Variants in TFCP2L1 observed in about 807,000 individuals in gnomAD.
TFCP2L1 encodes the protein transcription factor CP2-like protein 1.
TFCP2L1 carries 12 observed loss-of-function variants against 72.2 expected under a neutral mutation model. That is an observed-to-expected ratio of 0.17 (90% CI 0.11 to 0.27). The LOEUF is 0.27. Among genes scored for constraint, TFCP2L1 ranks in the 10% least tolerant of loss-of-function variants. The pLI is 1.00. For synonymous variants in TFCP2L1, 260 were observed against 251.0 expected (o/e 1.04, Z -0.34); for missense variants, 488 against 624.6 (o/e 0.78, Z 2.33).
At chr2:121,244,609 C>T (rs990844110) in intron 6 of TFCP2L1, among the ~76,000 whole-genome samples, 2 of 152,170 alleles carry the variant, frequency 1.3e-5, no homozygotes, top group Admixed American at 1.3e-4. Flanking sequence ...GTAGACAGAG[C>T]CCCCACTCCT....
chr2:121,252,075 G>A (rs908111242), intron 2 of TFCP2L1, among the ~76,000 whole-genome samples: 10 of 152,012 alleles, frequency 6.6e-5, no homozygotes, highest in South Asian at 4.1e-4. Flanking sequence ...TTTGAGACAG[G>A]GTCTTGCTCT....
chr2:121,249,085 G>A lies in TFCP2L1; in HGVS notation c.294C>T (p.Ser98=). 2 of 1,569,236 alleles carry A rather than the reference G, an allele frequency of 1.3e-6. No individual in the cohort carries two copies. Among genetic ancestry groups the A allele is most frequent in the Non-Finnish European group, 1.7e-6 (2 of 1,156,084 alleles). Residue 98 remains serine, a splice_region_variant and synonymous_variant, in exon 4 of 15, where the codon AGC becomes AGT. Transcript: ENST00000263707. The part of the protein sequence containing the change: ...FQDLNTKYVK[S]IIRVVFHDRR... Reference sequence around the variant, plus strand: ...GGTCATGGAAGACCACACGGATGATGCTCTGGGGAGGGAGGCCAGCAGGGA... The same window carrying A: ...GGTCATGGAAGACCACACGGATGATACTCTGGGGAGGGAGGCCAGCAGGGA...
At position 121,248,218 on chromosome 2, in the gene TFCP2L1, C is replaced by T; in HGVS notation, c.450G>A (p.Leu150=). 1 of 1,614,132 alleles carries T rather than the reference C, an allele frequency of 6.2e-7. No homozygotes were observed. Among genetic ancestry groups the T allele is most frequent in the Non-Finnish European group, 8.5e-7 (1 of 1,180,014 alleles). Residue 150 remains leucine (L), a synonymous_variant, in exon 5 of 15, where the codon CTG becomes CTA. Transcript: ENST00000263707. ...GGTCCCACAAAAACTCGACTGCATT[C>T]AGCTGGGTCGGGCTGGCCCTGGGGT... The part of the protein sequence containing the change: ...ILDPRASPTQ[L]NAVEFLWDPA...
intron 6 of TFCP2L1, among the ~76,000 whole-genome samples, chr2:121,243,327 G>A (rs1255295939): frequency 6.6e-6 from 1 of 152,204 alleles, no homozygotes. Context: ...CACCTTGAGG[G>A]ATTTTCATTC....
intron 2 of TFCP2L1, among the ~76,000 whole-genome samples, chr2:121,259,866 G>A (rs1041400051): frequency 2.6e-5 from 4 of 152,116 alleles, no homozygotes; most frequent in African/African-American, 9.7e-5. Context: ...GGGATATATT[G>A]CATCTGAATT....
rs746595647 is a variant in TFCP2L1 at position 121,235,320 on chromosome 2, G to A, written c.1004-9C>T. The A allele has an allele frequency of 6.2e-7, 1 of 1,610,874 alleles. No individual in the cohort carries two copies. Among genetic ancestry groups the A allele is most frequent in the South Asian group, 1.1e-5 (1 of 90,976 alleles). Reference sequence around the variant, plus strand: ...CTTCAGCAAGTCAGCACCTAGGCAGGAAAAAAACGGGGATGCCTGTTACAT... The same window carrying A: ...CTTCAGCAAGTCAGCACCTAGGCAGAAAAAAAACGGGGATGCCTGTTACAT... On this transcript the variant is annotated splice_polypyrimidine_tract_variant and intron_variant, in intron 10 of 14. Transcript: ENST00000263707.
chr2:121,231,677 C>T (rs754603924), intron 13 of TFCP2L1, 149 bp downstream of exon 13: 6 of 1,207,774 alleles, frequency 5.0e-6, no homozygotes, highest in African/African-American at 1.5e-5. Flanking sequence ...CACTCTCCAT[C>T]GCAGCCCCGG....
chr2:121,258,623 A>T (rs1174035900), intron 2 of TFCP2L1, among the ~76,000 whole-genome samples: 1 of 152,216 alleles, frequency 6.6e-6, no homozygotes, highest in Non-Finnish European at 1.5e-5. Context: ...AAACACAAGC[A>T]AACCCAAACA....
At chr2:121,235,700 A>T (rs1410927971) in intron 10 of TFCP2L1, among the ~76,000 whole-genome samples, 1 of 150,988 alleles carries the variant, frequency 6.6e-6, no homozygotes, top group East Asian at 1.9e-4. Context: ...GATTACAGAC[A>T]TGAGTCACTG....
At chr2:121,234,686 A>G (rs1163175326) in intron 11 of TFCP2L1, among the ~76,000 whole-genome samples, 2 of 152,198 alleles carry the variant, frequency 1.3e-5, no homozygotes, top group East Asian at 1.9e-4. Context: ...TAAATTCACT[A>G]AAGTTAAATA....
chr2:121,249,209 C>T (rs1032898093), intron 3 of TFCP2L1, 122 bp from the exon 4 acceptor site: 2 of 719,998 alleles, frequency 2.8e-6, no homozygotes, highest in Non-Finnish European at 4.5e-6. Flanking sequence ...GGCTTCCTTT[C>T]CCAGTTCTCA....
intron 4 of TFCP2L1, 102 bp from the exon 5 acceptor site, chr2:121,248,372 G>A: frequency 2.2e-6 from 2 of 910,954 alleles, no homozygotes; most frequent in Non-Finnish European, 3.2e-6. Context: ...GCCCCAATTT[G>A]CAATGCCAAA....
intron 1 of TFCP2L1, among the ~76,000 whole-genome samples, chr2:121,284,400 G>C (rs1687324158): frequency 6.6e-6 from 1 of 152,226 alleles, no homozygotes; most frequent in African/African-American, 2.4e-5. Flanking sequence ...GTGGGGAACT[G>C]TGCAAAACAC....
chr2:121,220,240 A>G lies in TFCP2L1; in HGVS notation c.*4101T>C, dbSNP rs1481771222. On this transcript the variant is annotated 3_prime_UTR_variant, in exon 15 of 15. Transcript: ENST00000263707. ...CTTCCCTAGGTTAATAGCTCTGTGTAAGGGGCTCTGGGCTGTCTGGGCAAG... is the reference window on the plus strand; with the variant it reads ...CTTCCCTAGGTTAATAGCTCTGTGTGAGGGGCTCTGGGCTGTCTGGGCAAG... The G allele has an allele frequency of 1.3e-5, 2 of 152,168 alleles. No individual in the cohort carries two copies. Among genetic ancestry groups the G allele is most frequent in the African/African-American group, 4.8e-5 (2 of 41,408 alleles). The allele number at this position is 152,168 out of a possible 1,614,324, so 9.4% of individuals were successfully genotyped here. A position where few individuals can be genotyped will look rare whatever the true frequency, so the allele number is the denominator to read the frequency against.
In TFCP2L1 at chr2:121,219,518, A is replaced by C. The variant is rs752399410; in HGVS notation, c.*4823T>G. The C allele has an allele frequency of 1.3e-5, 2 of 152,258 alleles. No individual in the cohort carries two copies. Among genetic ancestry groups the C allele is most frequent in the African/African-American group, 4.8e-5 (2 of 41,460 alleles). The allele number at this position is 152,258 out of a possible 1,614,324, so 9.4% of individuals were successfully genotyped here. Reference sequence around the variant, plus strand: ...TGATTCCCAAAGACACGATGGACACAATCTGACCCATGTCAAGAAGCATGC... The same window carrying C: ...TGATTCCCAAAGACACGATGGACACCATCTGACCCATGTCAAGAAGCATGC... On this transcript the variant is annotated 3_prime_UTR_variant, in exon 15 of 15. Transcript: ENST00000263707.
intron 2 of TFCP2L1, among the ~76,000 whole-genome samples, chr2:121,258,063 C>T (rs950383760): frequency 1.3e-5 from 2 of 152,196 alleles, no homozygotes; most frequent in Non-Finnish European, 2.9e-5. Flanking sequence ...AATAACAGAG[C>T]TGGAACTTGT....
At chr2:121,284,898 G>T in intron 1 of TFCP2L1, 150 bp downstream of exon 1, 1 of 662,846 alleles carries the variant, frequency 1.5e-6, no homozygotes, top group Non-Finnish European at 2.2e-6. Flanking sequence ...TCCCTAGGCG[G>T]GACGCTGGGC....
Position 121,221,472 on chromosome 2 carries a change from C to T in TFCP2L1, c.*2869G>A, listed in dbSNP as rs1181379963. On this transcript the variant is annotated 3_prime_UTR_variant, in exon 15 of 15. Coordinates refer to ENST00000263707, the MANE Select transcript of TFCP2L1 (RefSeq NM_014553.3). ...AAGAAGATCCAGTAAGAAGCAGAGG[C>T]CTTTAGCAAGGATGCCAAGACAATT... is the stretch of plus-strand genomic sequence containing the variant. 1 of 151,938 alleles carries T rather than the reference C, an allele frequency of 6.6e-6. No individual in the cohort carries two copies. The highest frequency in any genetic ancestry group is 1.5e-5 in the Non-Finnish European group (1 of 68,016). The allele number at this position is 151,938 out of a possible 1,614,324, so 9.4% of individuals were successfully genotyped here.
At chr2:121,232,772 G>A (rs1003572006) in intron 12 of TFCP2L1, among the ~76,000 whole-genome samples, 1 of 152,104 alleles carries the variant, frequency 6.6e-6, no homozygotes, top group African/African-American at 2.4e-5. Flanking sequence ...TAACCCTAAG[G>A]AGAGAAGAGA....
Sources: gnomAD v4.1 joint callset for allele counts (sites outside exome capture counted in the v4.1 genomes callset) on GRCh38, gnomAD v4.1.1 for gene constraint, MANE v1.5 for transcripts, NCBI Gene and HGNC (gene_info 2026-07-23, HGNC 2026-07-21) for gene names.